Variants in TRPC7 observed in about 807,000 individuals in gnomAD.
TRPC7 encodes transient receptor potential cation channel subfamily C member 7.
In TRPC7, 42 loss-of-function variants were observed where a neutral mutation model predicts 90.1. The ratio of observed to expected loss-of-function variants is 0.47; its 90% CI spans 0.36 to 0.60. TRPC7 has a LOEUF of 0.60. TRPC7 is among the 20% of genes least tolerant of loss of function. The pLI is 0.00. For missense variants in TRPC7, 955 were observed against 1,112.3 expected, an observed-to-expected ratio of 0.86 and a Z score of 2.01; for synonymous variants, 451 against 436.3, an observed-to-expected ratio of 1.03 and a Z score of -0.42.
In TRPC7 at chr5:136,301,521, C is replaced by T. The variant is rs565731595; in HGVS notation, c.963+14076G>A. The stretch of plus-strand genomic sequence containing the variant: ...TCCACCATTGTGATTTGTTTCTGCC[C>T]CACCCTAACTGATCAATGTACTTTG... On this transcript the variant is annotated intron_variant, in intron 3 of 11. Coordinates refer to ENST00000513104, the MANE Select transcript of TRPC7 (RefSeq NM_020389.3). Among the ~76,000 whole-genome samples the T allele has an allele frequency of 5.9e-5, 9 of 151,836 alleles. No homozygotes were observed. The East Asian group carries it at 1.6e-3, about 26-fold the overall frequency.
At chr5:136,235,474 T>C (rs910366033) in intron 7 of TRPC7, among the ~76,000 whole-genome samples, 3 of 152,134 alleles carry the variant, frequency 2.0e-5, no homozygotes, top group African/African-American at 7.2e-5. Context: ...AAGGCTAGCA[T>C]TGGAATGAGT....
chr5:136,308,181 A>G (rs951181998), intron 3 of TRPC7, among the ~76,000 whole-genome samples: 2 of 152,210 alleles, frequency 1.3e-5, no homozygotes, highest in Non-Finnish European at 2.9e-5. Context: ...TCTTCGGAAG[A>G]TTTGCTTCTT....
At chr5:136,215,822 CAAAAAAA>C (rs567520289) in intron 11 of TRPC7, among the ~76,000 whole-genome samples, 2 of 115,290 alleles carry the variant, frequency 1.7e-5, no homozygotes, top group East Asian at 2.5e-4. Flanking sequence ...GACTCCATCT[CAAAAAAA>C]AAAAAAAAAA....
intron 3 of TRPC7, among the ~76,000 whole-genome samples, chr5:136,300,655 C>A (rs1172445551): frequency 6.6e-6 from 1 of 152,146 alleles, no homozygotes; most frequent in East Asian, 1.9e-4. Context: ...AGTGACAAAC[C>A]CCAAAGGGAC....
intron 3 of TRPC7, among the ~76,000 whole-genome samples, chr5:136,275,962 A>G (rs571408926): frequency 2.0e-5 from 3 of 152,280 alleles, no homozygotes; most frequent in Non-Finnish European, 2.9e-5. Context: ...GCTCCACTCT[A>G]CCCATGTGGT....
At chr5:136,228,502 G>A (rs1470746765) in intron 8 of TRPC7, among the ~76,000 whole-genome samples, 5 of 151,130 alleles carry the variant, frequency 3.3e-5, no homozygotes, top group Admixed American at 6.6e-5. Flanking sequence ...GGTAGCAAGA[G>A]AGGGGTGAAG....
intron 3 of TRPC7, among the ~76,000 whole-genome samples, chr5:136,312,972 C>CTT (rs34840823): frequency 0.047 from 4,604 of 96,944 alleles, 228 homozygotes; most frequent in Middle Eastern, 0.087. Context: ...AGTAGTGATT[C>CTT]TTTTTTTTTT....
chr5:136,262,353 C>T (rs1756888681), intron 5 of TRPC7, among the ~76,000 whole-genome samples: 1 of 152,220 alleles, frequency 6.6e-6, no homozygotes, highest in Non-Finnish European at 1.5e-5. Context: ...TGAACACGTC[C>T]AGCTTGCTCC....
intron 2 of TRPC7, among the ~76,000 whole-genome samples, chr5:136,321,796 T>G (rs184181007): frequency 6.6e-6 from 1 of 152,280 alleles, no homozygotes; most frequent in East Asian, 1.9e-4. Flanking sequence ...AATGGACTGA[T>G]GTACTATATA....
At chr5:136,321,693 C>G (rs1037740837) in intron 2 of TRPC7, among the ~76,000 whole-genome samples, 1 of 152,204 alleles carries the variant, frequency 6.6e-6, no homozygotes, top group South Asian at 2.1e-4. Context: ...AAGACTGGCT[C>G]ATGGGTAGGA....
At chr5:136,268,482 T>C (rs1757108943) in intron 4 of TRPC7, among the ~76,000 whole-genome samples, 1 of 152,218 alleles carries the variant, frequency 6.6e-6, no homozygotes, top group South Asian at 2.1e-4. Flanking sequence ...CTCTACCTAA[T>C]ATCTTCAGTG....
At chr5:136,243,473 T>G (rs937608916) in intron 7 of TRPC7, among the ~76,000 whole-genome samples, 22 of 152,124 alleles carry the variant, frequency 1.4e-4, no homozygotes, top group African/African-American at 4.8e-4. Flanking sequence ...AAGCTCAAAA[T>G]TCCACAGAGA....
intron 4 of TRPC7, among the ~76,000 whole-genome samples, chr5:136,274,122 G>T (rs922905023): frequency 2.6e-5 from 4 of 152,194 alleles, no homozygotes; most frequent in African/African-American, 9.7e-5. Context: ...AAGGGGCCAG[G>T]AAAACTAGGA....
intron 3 of TRPC7, among the ~76,000 whole-genome samples, chr5:136,280,425 T>C (rs901781588): frequency 5.3e-5 from 8 of 152,222 alleles, no homozygotes; most frequent in African/African-American, 1.2e-4. Context: ...TTCCATGTAA[T>C]AGGTGCTCAA....
intron 1 of TRPC7, among the ~76,000 whole-genome samples, chr5:136,362,146 C>A (rs539613230): frequency 4.6e-5 from 7 of 151,996 alleles, no homozygotes; most frequent in Non-Finnish European, 7.4e-5. Context: ...ACACATTTAC[C>A]ATGTAGACAC....
chr5:136,216,254 T>TTATGATACGTATCTTTTTATGAAACG lies in TRPC7; in HGVS notation c.2364_2365insCGTTTCATAAAAAGATACGTATCATA (p.Lys789ArgfsTer9). 2 of 1,613,228 alleles carry TTATGATACGTATCTTTTTATGAAACG rather than the reference T, an allele frequency of 1.2e-6. No individual in the cohort carries two copies. Among genetic ancestry groups the TTATGATACGTATCTTTTTATGAAACG allele is most frequent in the East Asian group, 4.5e-5 (2 of 44,862 alleles). On this transcript the variant is annotated frameshift_variant, in exon 11 of 12. Transcript: ENST00000513104. LOFTEE classifies it high-confidence loss of function. The stretch of plus-strand genomic sequence containing the variant: ...ACCTGGGCTTTCAGGACGTATCTTT[T>TTATGATACGTATCTTTTTATGAAACG]TATGAGCCGTTTCATGATTTTCTGA...
chr5:136,320,353 C>T (rs537465110), intron 2 of TRPC7, among the ~76,000 whole-genome samples: 1 of 152,298 alleles, frequency 6.6e-6, no homozygotes, highest in East Asian at 1.9e-4. Context: ...AAACTCCCAA[C>T]TGGTCTCTCC....
At chr5:136,298,510 C>A (rs570186031) in intron 3 of TRPC7, among the ~76,000 whole-genome samples, 1 of 152,298 alleles carries the variant, frequency 6.6e-6, no homozygotes, top group African/African-American at 2.4e-5. Flanking sequence ...CACCCACCTC[C>A]AGCTACTAGG....
chr5:136,348,255 A>G lies in TRPC7; in HGVS notation c.780+8353T>C, dbSNP rs911100583. On this transcript the variant is annotated intron_variant, in intron 2 of 11. Transcript: ENST00000513104. The stretch of plus-strand genomic sequence containing the variant: ...AAGCCATGGCTAAGGTCTCTTTAGC[A>G]TCCATGTCACCTGCCACTTCTGTTT... Among the ~76,000 whole-genome samples, 3 of 152,232 alleles carry G rather than the reference A, an allele frequency of 2.0e-5. No homozygotes were observed. The East Asian group carries it at 5.8e-4, about 29-fold the overall frequency.
Sources: allele counts gnomAD v4.1 joint callset (sites outside exome capture counted in the v4.1 genomes callset), GRCh38; gene constraint gnomAD v4.1.1; transcripts MANE v1.5; gene names NCBI Gene and HGNC (gene_info 2026-07-23, HGNC 2026-07-21).